Variants in GPAT4 observed in about 807,000 individuals in gnomAD.
GPAT4 encodes the protein 1-AGP acyltransferase 6.
In GPAT4, 17 loss-of-function variants were observed where a neutral mutation model predicts 58.0. The observed-to-expected ratio is 0.29, with a 90% CI of 0.20 to 0.44. GPAT4 has a LOEUF of 0.44. Among genes scored for constraint, GPAT4 ranks in the 20% least tolerant of loss-of-function variants. GPAT4 has a pLI of 1.00. For missense variants in GPAT4, 377 were observed against 574.5 expected, an observed-to-expected ratio of 0.66 and a Z score of 3.51; for synonymous variants, 204 against 210.1, an observed-to-expected ratio of 0.97 and a Z score of 0.25.
rs752831623 is a variant in GPAT4 at position 41,599,102 on chromosome 8, TAGGG to T, written c.-34_-31del. 1.8e-5 allele frequency: 28 copies of T among 1,580,014 alleles called. No individual in the cohort carries two copies. The highest frequency in any genetic ancestry group is 1.2e-4 in the African/African-American group (9 of 72,610). ...CCATCTGAAGGCTGCAATTTGTTCT[TAGGG>T]AGGCAGGTGCTGGCCTGGCCTGGAT... On this transcript the variant is annotated 5_prime_UTR_variant, in exon 2 of 13. Coordinates refer to ENST00000396987, the MANE Select transcript of GPAT4 (RefSeq NM_178819.4).
At chr8:41,604,111 G>A (rs1038893156) in intron 2 of GPAT4, among the ~76,000 whole-genome samples, 2 of 148,790 alleles carry the variant, frequency 1.3e-5, no homozygotes, top group Non-Finnish European at 3.0e-5. Context: ...TGTATTAATA[G>A]TGTTTACTTG....
chr8:41,609,348 T>C, intron 2 of GPAT4, 68 bp from the exon 3 acceptor site: 1 of 1,466,462 alleles, frequency 6.8e-7, no homozygotes. Context: ...AGAATAGAGA[T>C]GGAGGTGTTC....
At chr8:41,616,076 G>A (rs1803587827) in intron 10 of GPAT4, among the ~76,000 whole-genome samples, 1 of 152,238 alleles carries the variant, frequency 6.6e-6, no homozygotes, top group South Asian at 2.1e-4. Context: ...AACATAGTCT[G>A]TTAGCAGAGT....
chr8:41,597,660 A>G (rs1371669896), intron 1 of GPAT4, among the ~76,000 whole-genome samples: 1 of 152,234 alleles, frequency 6.6e-6, no homozygotes, highest in African/African-American at 2.4e-5. Flanking sequence ...AAGTAAAAAT[A>G]TCAGTGTTTA....
intron 1 of GPAT4, among the ~76,000 whole-genome samples, chr8:41,590,998 T>C (rs1563269739): frequency 6.6e-6 from 1 of 151,802 alleles, no homozygotes; most frequent in Non-Finnish European, 1.5e-5. Flanking sequence ...AAGGAAAGGG[T>C]TTTATTCAGC....
intron 2 of GPAT4, among the ~76,000 whole-genome samples, chr8:41,603,949 G>A (rs1293226894): frequency 2.7e-5 from 4 of 149,908 alleles, no homozygotes; most frequent in Admixed American, 2.7e-4. Context: ...GTTTTGGGGT[G>A]GCTTGTAATA....
intron 1 of GPAT4, among the ~76,000 whole-genome samples, chr8:41,585,100 C>CTA (rs1045442421): frequency 7.2e-5 from 11 of 152,216 alleles, no homozygotes; most frequent in African/African-American, 2.7e-4. Context: ...CAACAGCTTC[C>CTA]TATTCAAGCA....
At chr8:41,615,634 T>TA (rs1803575971) in intron 10 of GPAT4, among the ~76,000 whole-genome samples, 1 of 152,156 alleles carries the variant, frequency 6.6e-6, no homozygotes, top group Admixed American at 6.5e-5. Context: ...TAGGATGTGA[T>TA]TAGCTAGTCA....
Position 41,622,498 on chromosome 8 carries a change from A to G in GPAT4, c.*1497A>G, listed in dbSNP as rs1803784279. On this transcript the variant is annotated 3_prime_UTR_variant, in exon 13 of 13. Transcript: ENST00000396987. ...CTCAGCTCCCCATTCATGCCCCACC[A>G]GCCCTCACTTGGGACCCATGCTCCC... is the stretch of plus-strand genomic sequence containing the variant. 1 of 152,374 alleles carries G rather than the reference A, an allele frequency of 6.6e-6. No homozygotes were observed. The highest frequency in any genetic ancestry group is 2.4e-5 in the African/African-American group (1 of 41,464). 9.4% of individuals were successfully genotyped at this position (152,374 alleles called of 1,614,324 possible).
At chr8:41,610,069 C>T (rs764120780) in intron 4 of GPAT4, 114 bp downstream of exon 4, 4 of 1,500,820 alleles carry the variant, frequency 2.7e-6, no homozygotes, top group African/African-American at 2.8e-5. Flanking sequence ...GAATGACTGT[C>T]GTTAGCCAGG....
rs1334399389 is a variant in GPAT4 at position 41,611,954 on chromosome 8, C to T, written c.663C>T (p.Cys221=). 4 of 1,614,024 alleles carry T rather than the reference C, an allele frequency of 2.5e-6. No individual in the cohort carries two copies. The highest frequency in any genetic ancestry group is 2.2e-5 in the South Asian group (2 of 91,080). The change falls in exon 6 of 13, where the codon TGC becomes TGT. Residue 221 remains cysteine (C), a synonymous_variant. Coordinates refer to ENST00000396987, the MANE Select transcript of GPAT4 (RefSeq NM_178819.4). Reference sequence around the variant, plus strand: ...TTCACTTAATGTGTTACCGGATCTGCGTGCGAGCGCTGACAGCCATCATCA... The same window carrying T: ...TTCACTTAATGTGTTACCGGATCTGTGTGCGAGCGCTGACAGCCATCATCA... ...KHVHLMCYRI[C]VRALTAIITY... is the part of the protein sequence containing the mutation.
chr8:41,622,922 C>T lies in GPAT4; in HGVS notation c.*1921C>T, dbSNP rs1803795997. 1 of 152,206 alleles carries T rather than the reference C, an allele frequency of 6.6e-6. No homozygotes were observed. The highest frequency in any genetic ancestry group is 6.5e-5 in the Admixed American group (1 of 15,288). 9.4% of individuals were successfully genotyped at this position (152,206 alleles called of 1,614,324 possible). A position where few individuals can be genotyped will look rare whatever the true frequency, so the allele number is the denominator to read the frequency against. On this transcript the variant is annotated 3_prime_UTR_variant, in exon 13 of 13. Coordinates refer to ENST00000396987, the MANE Select transcript of GPAT4 (RefSeq NM_178819.4). Reference sequence around the variant, plus strand: ...GATGTTTACAGTGTTTGTAAACCAACTGGAGGGATCAGTAATTGGTCTTAA... The same window carrying T: ...GATGTTTACAGTGTTTGTAAACCAATTGGAGGGATCAGTAATTGGTCTTAA...
chr8:41,583,734 T>A (rs1585646565), intron 1 of GPAT4, among the ~76,000 whole-genome samples: 1 of 152,322 alleles, frequency 6.6e-6, no homozygotes, highest in East Asian at 1.9e-4. Context: ...AGGAATGTTT[T>A]ATTTTGCTTA....
intron 1 of GPAT4, among the ~76,000 whole-genome samples, chr8:41,594,814 A>G (rs1015453909): frequency 2.6e-5 from 4 of 151,994 alleles, no homozygotes; most frequent in African/African-American, 9.7e-5. Flanking sequence ...CAAAGTGCTG[A>G]GATTTCAGGC....
In GPAT4 at chr8:41,621,099, C is replaced by T; in HGVS notation, c.*98C>T. 1 of 1,482,306 alleles carries T rather than the reference C, an allele frequency of 6.7e-7. No individual in the cohort carries two copies. Among genetic ancestry groups the T allele is most frequent in the Non-Finnish European group, 9.1e-7 (1 of 1,101,186 alleles). The allele number at this position is 1,482,306 out of a possible 1,614,324, so 91.8% of individuals were successfully genotyped here. Reference sequence around the variant, plus strand: ...CCCACTGCTGTGTCCTTTCCAGACTCCAGGGCTCCCCGGGCTGCTCTGGAT... The same window carrying T: ...CCCACTGCTGTGTCCTTTCCAGACTTCAGGGCTCCCCGGGCTGCTCTGGAT... On this transcript the variant is annotated 3_prime_UTR_variant, in exon 13 of 13. Coordinates refer to ENST00000396987, the MANE Select transcript of GPAT4 (RefSeq NM_178819.4).
At position 41,598,593 on chromosome 8, in the gene GPAT4, C is replaced by T. The variant is rs1413477035; in HGVS notation, c.-547C>T. 1 of 152,298 alleles carries T rather than the reference C, an allele frequency of 6.6e-6. No homozygotes were observed. The highest frequency in any genetic ancestry group is 2.4e-5 in the African/African-American group (1 of 41,438). The allele number at this position is 152,298 out of a possible 1,614,324, so 9.4% of individuals were successfully genotyped here. On this transcript the variant is annotated 5_prime_UTR_variant, in exon 2 of 13. Coordinates refer to ENST00000396987, the MANE Select transcript of GPAT4 (RefSeq NM_178819.4). Reference sequence around the variant, plus strand: ...GCTTATGAAGGAATTTTAAGTAAAACAGTTATTTAATTTCCACATATTCAA... The same window carrying T: ...GCTTATGAAGGAATTTTAAGTAAAATAGTTATTTAATTTCCACATATTCAA...
At chr8:41,618,874 G>A (rs1431622747) in intron 11 of GPAT4, 24 bp from the exon 12 acceptor site, 4 of 1,614,068 alleles carry the variant, frequency 2.5e-6, no homozygotes, top group Non-Finnish European at 3.4e-6. Context: ...GGGGCTGAGT[G>A]GTCTCATTTG....
At chr8:41,620,463 C>T (rs537393600) in intron 12 of GPAT4, among the ~76,000 whole-genome samples, 1 of 152,298 alleles carries the variant, frequency 6.6e-6, no homozygotes, top group South Asian at 2.1e-4. Context: ...TTCAGAGTAT[C>T]CCTGGGTCTG....
intron 1 of GPAT4, among the ~76,000 whole-genome samples, chr8:41,579,211 A>G (rs957051569): frequency 6.6e-6 from 1 of 152,088 alleles, no homozygotes; most frequent in African/African-American, 2.4e-5. Context: ...TTTCTTTTTT[A>G]ACTTTGTATT....
Sources: gnomAD v4.1 joint callset for allele counts (sites outside exome capture counted in the v4.1 genomes callset) on GRCh38, gnomAD v4.1.1 for gene constraint, MANE v1.5 for transcripts, NCBI Gene and HGNC (gene_info 2026-07-23, HGNC 2026-07-21) for gene names.